The following DPP3 variants were observed in gnomAD, a reference collection of about 807,000 sequenced individuals.
DPP3 encodes the protein dipeptidyl peptidase 3.
In DPP3, 64 loss-of-function variants were observed where a neutral mutation model predicts 89.8. The ratio of observed to expected loss-of-function variants is 0.71; its 90% confidence interval spans 0.58 to 0.88. The LOEUF is 0.88. Among genes scored for constraint, DPP3 ranks in the 40% least tolerant of loss-of-function variants. DPP3 has a pLI of 0.00. For missense variants in DPP3, 835 were observed against 972.5 expected, an observed-to-expected ratio of 0.86 and a Z score of 1.88; for synonymous variants, 377 against 404.3, an observed-to-expected ratio of 0.93 and a Z score of 0.81.
At chr11:66,484,556 T>A (rs1855170631) in intron 2 of DPP3, among the ~76,000 whole-genome samples, 1 of 152,044 alleles carries the variant, frequency 6.6e-6, no homozygotes, top group Non-Finnish European at 1.5e-5. Context: ...GTAGCTCTCT[T>A]ATGCCAGCTT....
chr11:66,489,296 C>T (rs535694561), intron 6 of DPP3, among the ~76,000 whole-genome samples: 20 of 152,332 alleles, frequency 1.3e-4, no homozygotes, highest in African/African-American at 4.6e-4. Context: ...AGGACCTTTC[C>T]CTATCTTCCC....
intron 9 of DPP3, among the ~76,000 whole-genome samples, chr11:66,492,116 C>T (rs967669825): frequency 6.6e-6 from 1 of 152,208 alleles, no homozygotes; most frequent in African/African-American, 2.4e-5. Flanking sequence ...CCAAGCCCAG[C>T]TTTACCACTC....
At chr11:66,480,662 A>G (rs1009718982) in intron 1 of DPP3, 197 bp downstream of exon 1, 2 of 541,022 alleles carry the variant, frequency 3.7e-6, no homozygotes, top group Non-Finnish European at 5.8e-6. Context: ...AGGCTGTGCT[A>G]TTGGGGCGGG....
At chr11:66,501,926 G>A (rs1208108758) in intron 16 of DPP3, among the ~76,000 whole-genome samples, 7 of 150,842 alleles carry the variant, frequency 4.6e-5, no homozygotes, top group African/African-American at 9.8e-5. Flanking sequence ...GGCTGGGCAC[G>A]GTGGCTCACG....
chr11:66,488,284 G>C (rs890070672), intron 6 of DPP3, among the ~76,000 whole-genome samples: 27 of 152,218 alleles, frequency 1.8e-4, no homozygotes, highest in African/African-American at 5.8e-4. Context: ...CCTTCAGGCC[G>C]GGCATGGCAG....
At chr11:66,488,316 C>A (rs1010377495) in intron 6 of DPP3, among the ~76,000 whole-genome samples, 8 of 152,230 alleles carry the variant, frequency 5.3e-5, no homozygotes, top group Admixed American at 2.0e-4. Context: ...AATCCCAGCA[C>A]TTTGGGAGGC....
At position 66,495,717 on chromosome 11, in the gene DPP3, G is replaced by A. The variant is rs1414796724; in HGVS notation, c.1665G>A (p.Glu555=). 1 of 1,613,172 alleles carries A rather than the reference G, an allele frequency of 6.2e-7. No individual in the cohort carries two copies. ...NMVRAGLLAL[E]FYTPEAFNWR... Reference sequence around the variant, plus strand: ...TTCGGGCCGGGCTGCTCGCTCTGGAGTTCTACACACCTGAGGCCTTCAACT... The same window carrying A: ...TTCGGGCCGGGCTGCTCGCTCTGGAATTCTACACACCTGAGGCCTTCAACT... Residue 555 remains glutamate, a synonymous_variant, in exon 15 of 18, where the codon GAG becomes GAA. Transcript: ENST00000531863.
intron 3 of DPP3, among the ~76,000 whole-genome samples, chr11:66,485,798 T>C (rs1855209535): frequency 6.6e-6 from 1 of 152,120 alleles, no homozygotes; most frequent in South Asian, 2.1e-4. Flanking sequence ...CAAGCTGAAG[T>C]GTAGTGGTGT....
At chr11:66,487,758 A>G (rs1286860446) in intron 5 of DPP3, among the ~76,000 whole-genome samples, 156 bp from the exon 6 acceptor site, 4 of 151,070 alleles carry the variant, frequency 2.6e-5, no homozygotes, top group African/African-American at 4.9e-5. Flanking sequence ...TGGGCTGCCC[A>G]CTCCCACTCT....
At chr11:66,491,458 G>A in intron 7 of DPP3, 36 bp from the exon 8 acceptor site, 1 of 1,596,552 alleles carries the variant, frequency 6.3e-7, no homozygotes, top group Non-Finnish European at 8.6e-7. Flanking sequence ...GAGGTGGGTG[G>A]GTGGCCCGAG....
At chr11:66,483,229 G>C (rs1855137360) in intron 2 of DPP3, 1 of 152,096 alleles carries the variant, frequency 6.6e-6, no homozygotes, top group South Asian at 2.1e-4. Flanking sequence ...TTTTCACCAT[G>C]TTGCCCAGTC....
intron 17 of DPP3, among the ~76,000 whole-genome samples, chr11:66,506,840 G>T (rs1215766479): frequency 1.3e-5 from 2 of 151,888 alleles, no homozygotes; most frequent in Non-Finnish European, 2.9e-5. Context: ...GAGAGAGGTT[G>T]TCTCTGACCC....
At chr11:66,485,771 G>A (rs1565266594) in intron 3 of DPP3, among the ~76,000 whole-genome samples, 1 of 151,980 alleles carries the variant, frequency 6.6e-6, no homozygotes. Flanking sequence ...TTTGAGACAG[G>A]GTCTTGCTCT....
At chr11:66,500,221 G>A (rs550264121) in intron 16 of DPP3, among the ~76,000 whole-genome samples, 1 of 152,122 alleles carries the variant, frequency 6.6e-6, no homozygotes, top group African/African-American at 2.4e-5. Flanking sequence ...AGGCGTATTG[G>A]CAGGTGCCTG....
At chr11:66,486,703 G>T (rs1855239580) in intron 4 of DPP3, 26 bp downstream of exon 4, 1 of 1,479,880 alleles carries the variant, frequency 6.8e-7, no homozygotes, top group Non-Finnish European at 9.0e-7. Context: ...CCCCCGAGGG[G>T]ACAGGGAGTG....
chr11:66,492,807 C>A lies in DPP3; in HGVS notation c.1080C>A (p.Pro360=). ...AEQLLKELPW[P]PTFEKDKFLT... ...AGCTGCTGAAGGAGCTGCCCTGGCC[C>A]CCAACCTTTGAGAAGGACAAGTTCC... Residue 360 remains proline (P), a synonymous_variant, in exon 10 of 18, where the codon CCC becomes CCA. Coordinates refer to ENST00000531863, the MANE Select transcript of DPP3 (RefSeq NM_130443.4). 1.2e-6 allele frequency: 2 copies of A among 1,614,044 alleles called. No individual in the cohort carries two copies. The highest frequency in any genetic ancestry group is 1.7e-6 in the Non-Finnish European group (2 of 1,179,986).
intron 17 of DPP3, among the ~76,000 whole-genome samples, chr11:66,506,724 T>C (rs1590749737): frequency 1.3e-5 from 2 of 152,278 alleles, no homozygotes; most frequent in South Asian, 2.1e-4. Flanking sequence ...GGTCCACTCC[T>C]ACAGCCTTTG....
At chr11:66,486,447 G>C (rs761791401) in intron 3 of DPP3, 93 bp from the exon 4 acceptor site, 51 of 1,370,048 alleles carry the variant, frequency 3.7e-5, no homozygotes, top group Non-Finnish European at 4.6e-5. Context: ...AGAGCTCTTA[G>C]ATCATAGGAG....
chr11:66,498,345 G>A (rs1001029622), intron 16 of DPP3, among the ~76,000 whole-genome samples: 9 of 151,976 alleles, frequency 5.9e-5, no homozygotes, highest in African/African-American at 1.9e-4. Context: ...TGCCTGCCTC[G>A]GCCTCCCAAA....
Sources: gnomAD v4.1 joint callset for allele counts (sites outside exome capture counted in the v4.1 genomes callset) on GRCh38, gnomAD v4.1.1 for gene constraint, MANE v1.5 for transcripts, NCBI Gene and HGNC (gene_info 2026-07-23, HGNC 2026-07-21) for gene names.